Variants in PTPRD observed in about 807,000 individuals in gnomAD.
The protein encoded by PTPRD is protein tyrosine phosphatase receptor type D, also known as receptor-type tyrosine-protein phosphatase delta.
In PTPRD, 34 loss-of-function variants were observed where a neutral mutation model predicts 214.5. The ratio of observed to expected loss-of-function variants is 0.16; its 90% CI spans 0.12 to 0.21. The LOEUF (loss-of-function observed/expected upper bound fraction) is 0.21, where lower values mean the gene tolerates loss of function less well. Ranked by LOEUF, PTPRD falls within the 10% of genes least tolerant of loss-of-function variation. The pLI, the probability that PTPRD is intolerant of heterozygous loss-of-function variation, is 1.00. For synonymous variants in PTPRD, 1,128 were observed against 845.7 expected, an observed-to-expected ratio of 1.33 and a Z score of -5.79; for missense variants, 2,545 against 2,398.7, an observed-to-expected ratio of 1.06 and a Z score of -1.27.
At chr9:8,911,118 T>A (rs1406017223) in intron 11 of PTPRD, among the ~76,000 whole-genome samples, 1 of 152,194 alleles carries the variant, frequency 6.6e-6, no homozygotes, top group Non-Finnish European at 1.5e-5. Flanking sequence ...TGTACAATTT[T>A]AAAATTTATA....
chr9:9,092,112 C>T (rs1375878327), intron 10 of PTPRD, among the ~76,000 whole-genome samples: 1 of 152,164 alleles, frequency 6.6e-6, no homozygotes, highest in African/African-American at 2.4e-5. Flanking sequence ...GGTAATAAAA[C>T]ACTAGGCTCA....
chr9:9,303,048 C>A (rs1251748341), intron 9 of PTPRD, among the ~76,000 whole-genome samples: 2 of 151,808 alleles, frequency 1.3e-5, no homozygotes, highest in South Asian at 4.1e-4. Context: ...AAGAGAAGAC[C>A]TTTTCTTTTC....
intron 4 of PTPRD, among the ~76,000 whole-genome samples, chr9:10,009,685 T>G (rs1358119246): frequency 8.4e-6 from 1 of 118,448 alleles, no homozygotes; most frequent in African/African-American, 2.6e-5. Flanking sequence ...GAAAAAGATC[T>G]GGAAAGGGAA....
At chr9:8,327,567 C>T (rs989864120) in intron 44 of PTPRD, among the ~76,000 whole-genome samples, 6 of 152,058 alleles carry the variant, frequency 3.9e-5, no homozygotes, top group African/African-American at 4.8e-5. Context: ...TGGTCCAGAG[C>T]TGTGTTCAAG....
rs554931372 is a variant in PTPRD at position 10,107,485 on chromosome 9, TGCCACTTACCGGCTGTGTAA to T, written c.-544-73715_-544-73696del. 7.8e-4 allele frequency among the ~76,000 whole-genome samples: 118 copies of T among 152,194 alleles called. 2 individuals are homozygous for T. The South Asian group carries it at 0.022, about 29-fold the overall frequency. ...ACCCCCAGAGTTTATTGATTAACTTTGCCACTTACCGGCTGTGTAAGCCTAGGCAAGTTTACTACCTGTTC... is the reference window on the plus strand; with the variant it reads ...ACCCCCAGAGTTTATTGATTAACTTTGCCTAGGCAAGTTTACTACCTGTTC... On this transcript the variant is annotated intron_variant, in intron 3 of 45. Coordinates refer to ENST00000381196, the MANE Select transcript of PTPRD (RefSeq NM_002839.4).
chr9:8,327,476 G>T (rs748004109), intron 44 of PTPRD, among the ~76,000 whole-genome samples: 1 of 152,132 alleles, frequency 6.6e-6, no homozygotes. Flanking sequence ...GTTAGAATAA[G>T]TGCAATTTGG....
intron 14 of PTPRD, among the ~76,000 whole-genome samples, chr9:8,565,418 G>C (rs1431189024): frequency 6.6e-6 from 1 of 152,094 alleles, no homozygotes; most frequent in Non-Finnish European, 1.5e-5. Flanking sequence ...ACATTCATTT[G>C]TTATCAAATA....
At chr9:10,331,422 A>G (rs2096748396) in intron 3 of PTPRD, among the ~76,000 whole-genome samples, 1 of 151,902 alleles carries the variant, frequency 6.6e-6, no homozygotes, top group Admixed American at 6.6e-5. Context: ...AAGCCCAGAC[A>G]CTGTGGAGCA....
At chr9:8,782,786 G>T (rs374664595) in intron 11 of PTPRD, among the ~76,000 whole-genome samples, 5 of 151,972 alleles carry the variant, frequency 3.3e-5, no homozygotes, top group East Asian at 3.9e-4. Context: ...AGTAGAGACA[G>T]GGTTTCACCA....
intron 36 of PTPRD, among the ~76,000 whole-genome samples, chr9:8,395,021 T>C (rs1487996478): frequency 6.6e-6 from 1 of 152,098 alleles, no homozygotes; most frequent in Non-Finnish European, 1.5e-5. Context: ...ACTACAGAGA[T>C]GGAGATGGAT....
At chr9:8,669,780 A>G (rs1422458596) in intron 12 of PTPRD, among the ~76,000 whole-genome samples, 2 of 152,214 alleles carry the variant, frequency 1.3e-5, no homozygotes, top group Non-Finnish European at 2.9e-5. Flanking sequence ...GCCAGTTAAA[A>G]GAAGTCATAG....
intron 44 of PTPRD, among the ~76,000 whole-genome samples, chr9:8,327,068 C>CT (rs1433257185): frequency 6.7e-6 from 1 of 149,016 alleles, no homozygotes; most frequent in African/African-American, 2.4e-5. Flanking sequence ...TTCTTGTCTT[C>CT]TGTTAGCTTT....
chr9:9,197,444 T>A (rs896106068), intron 9 of PTPRD, among the ~76,000 whole-genome samples: 1 of 152,090 alleles, frequency 6.6e-6, no homozygotes, highest in Admixed American at 6.5e-5. Flanking sequence ...GGAGTCTCAC[T>A]CTGTCGCCCA....
intron 11 of PTPRD, among the ~76,000 whole-genome samples, chr9:8,816,249 T>G (rs937560502): frequency 9.8e-5 from 15 of 152,314 alleles, no homozygotes; most frequent in African/African-American, 3.6e-4. Flanking sequence ...TAACAGAATA[T>G]GATCATTGGT....
chr9:8,509,280 G>A (rs1426505610), intron 21 of PTPRD, among the ~76,000 whole-genome samples: 3 of 152,108 alleles, frequency 2.0e-5, no homozygotes, highest in Non-Finnish European at 4.4e-5. Flanking sequence ...CAAAAGCACT[G>A]GCAGGAGCAA....
chr9:9,705,846 C>G (rs1271696983), intron 7 of PTPRD, among the ~76,000 whole-genome samples: 5 of 152,060 alleles, frequency 3.3e-5, no homozygotes, highest in African/African-American at 1.2e-4. Flanking sequence ...AATATTTACT[C>G]AATCACTTTG....
intron 2 of PTPRD, among the ~76,000 whole-genome samples, chr9:10,523,254 T>C (rs2052982159): frequency 6.6e-6 from 1 of 151,958 alleles, no homozygotes; most frequent in African/African-American, 2.4e-5. Context: ...TGAAATCACG[T>C]AACAAATGCT....
chr9:10,475,867 A>G lies in PTPRD; in HGVS notation c.-599-134850T>C, dbSNP rs999437672. Among the ~76,000 whole-genome samples the G allele has an allele frequency of 2.7e-5, 4 of 150,214 alleles. No homozygotes were observed. In the South Asian group the frequency reaches 8.5e-4, roughly 32 times the overall value. On this transcript the variant is annotated intron_variant, in intron 2 of 45. Coordinates refer to ENST00000381196, the MANE Select transcript of PTPRD (RefSeq NM_002839.4). ...GTAATCCATCATATAAGTAGAACCA[A>G]TGACAAAAAAAAACATATGATTATC...
intron 2 of PTPRD, among the ~76,000 whole-genome samples, chr9:10,420,758 T>C (rs748314636): frequency 1.3e-5 from 2 of 151,952 alleles, no homozygotes; most frequent in Non-Finnish European, 1.5e-5. Flanking sequence ...TTCTTATTCA[T>C]TCTAAAGTAT....
Sources: gnomAD v4.1 joint callset for allele counts (sites outside exome capture counted in the v4.1 genomes callset) on GRCh38, gnomAD v4.1.1 for gene constraint, MANE v1.5 for transcripts, NCBI Gene and HGNC (gene_info 2026-07-23, HGNC 2026-07-21) for gene names.